The following PLXDC1 variants were observed in gnomAD, a reference collection of about 807,000 sequenced individuals.
The protein encoded by PLXDC1 is plexin domain containing 1.
A neutral mutation model predicts 61.3 loss-of-function variants in PLXDC1; 39 were observed. The ratio of observed to expected loss-of-function variants is 0.64; its 90% CI spans 0.49 to 0.83. The LOEUF (loss-of-function observed/expected upper bound fraction) is 0.83. Ranked by LOEUF, PLXDC1 falls within the 40% of genes least tolerant of loss-of-function variation. PLXDC1 has a pLI of 0.00. For synonymous variants in PLXDC1, 212 were observed against 254.5 expected, an observed-to-expected ratio of 0.83 and a Z score of 1.59; for missense variants, 596 against 666.5, an observed-to-expected ratio of 0.89 and a Z score of 1.17.
chr17:39,128,023 C>A (rs1330424991), intron 2 of PLXDC1, among the ~76,000 whole-genome samples: 2 of 139,190 alleles, frequency 1.4e-5, no homozygotes, highest in East Asian at 4.3e-4. Context: ...AATGAAGTAC[C>A]ACTTCATACC....
intron 11 of PLXDC1, among the ~76,000 whole-genome samples, chr17:39,076,728 T>C (rs1170177582): frequency 2.0e-5 from 3 of 151,974 alleles, no homozygotes; most frequent in African/African-American, 7.2e-5. Context: ...GGTTTTGTTT[T>C]GTTTTGTGTT....
chr17:39,120,489 C>T (rs1911126820), intron 2 of PLXDC1, among the ~76,000 whole-genome samples: 1 of 152,130 alleles, frequency 6.6e-6, no homozygotes, highest in African/African-American at 2.4e-5. Flanking sequence ...GTGACTCTGG[C>T]AGATCATACG....
chr17:39,105,228 G>T (rs2143649876), intron 7 of PLXDC1, among the ~76,000 whole-genome samples: 2 of 152,308 alleles, frequency 1.3e-5, no homozygotes, highest in African/African-American at 4.8e-5. Flanking sequence ...GGCAGTGCAT[G>T]GGATGCCTGC....
intron 2 of PLXDC1, among the ~76,000 whole-genome samples, chr17:39,110,092 CT>C (rs1282130041): frequency 1.3e-5 from 2 of 152,080 alleles, no homozygotes; most frequent in African/African-American, 2.4e-5. Flanking sequence ...CGCCACTGCA[CT>C]CCAGCCTGGG....
At chr17:39,134,869 G>A (rs899775881) in intron 2 of PLXDC1, among the ~76,000 whole-genome samples, 2 of 151,848 alleles carry the variant, frequency 1.3e-5, no homozygotes, top group Non-Finnish European at 2.9e-5. Context: ...GAAATAGCCC[G>A]CAGGACCCCC....
At chr17:39,087,492 G>A in intron 8 of PLXDC1, 115 bp downstream of exon 8, 1 of 742,308 alleles carries the variant, frequency 1.3e-6, no homozygotes, top group South Asian at 1.6e-5. Context: ...GAGATGGAGG[G>A]CCCCGAAAAG....
chr17:39,152,275 A>AC (rs2045379158), upstream of PLXDC1, among the ~76,000 whole-genome samples: 1 of 148,912 alleles, frequency 6.7e-6, no homozygotes, highest in Non-Finnish European at 1.5e-5. Context: ...AACAGTCTGG[A>AC]CCCCTCCCCA....
Position 39,105,854 on chromosome 17 carries a change from C to T in PLXDC1, c.811G>A (p.Glu271Lys). 2 of 1,608,430 alleles carry T rather than the reference C, an allele frequency of 1.2e-6. No homozygotes were observed. The highest frequency in any genetic ancestry group is 1.7e-6 in the Non-Finnish European group (2 of 1,175,162). The change falls in exon 7 of 14, where the codon GAA (glutamate) becomes AAA (lysine). Residue 271 changes from glutamate (E) to lysine (K), a missense_variant and splice_region_variant. Glu to Lys is a moderately conservative substitution (Grantham distance 56, BLOSUM62 1). Coordinates refer to ENST00000315392, the MANE Select transcript of PLXDC1 (RefSeq NM_020405.5). ...MILNPSPDVP[E>K]SRRRSIFEYH... ...CTCTGCGGGGTCCCTGAAGACTCAC[C>T]TGGCACATCCGGGGATGGATTGAGA...
intron 6 of PLXDC1, among the ~76,000 whole-genome samples, chr17:39,106,655 T>TC (rs902493057): frequency 6.2e-5 from 9 of 146,168 alleles, no homozygotes; most frequent in African/African-American, 2.3e-4. Context: ...TTTCTTTCTT[T>TC]TTTTTTTTTT....
rs1908946179 is a variant in PLXDC1, at chr17:39,067,664, C to T, written c.*176G>A. 4 of 567,272 alleles carry T rather than the reference C, an allele frequency of 7.1e-6. No individual in the cohort carries two copies. Among genetic ancestry groups the T allele is most frequent in the South Asian group, 5.9e-5 (2 of 33,986 alleles). The allele number at this position is 567,272 out of a possible 1,614,324, so 35.1% of individuals were successfully genotyped here. ...AAAATCCATGTGGTTGTTTTTTGGC[C>T]CCCTCTTCAATATTCGGGGTGTGCT... On this transcript the variant is annotated 3_prime_UTR_variant, in exon 14 of 14. Transcript: ENST00000315392.
intron 2 of PLXDC1, chr17:39,131,965 TGCCCTGACACAGGGTCCCTC>T (rs1285420541): frequency 1.3e-5 from 2 of 152,698 alleles, no homozygotes; most frequent in African/African-American, 4.8e-5. Flanking sequence ...ATGGGGTCCC[TGCCCTGACACAGGGTCCCTC>T]GCATTCCTGG....
chr17:39,106,861 A>G (rs572782294), intron 6 of PLXDC1, among the ~76,000 whole-genome samples: 1 of 151,968 alleles, frequency 6.6e-6, no homozygotes, highest in East Asian at 1.9e-4. Flanking sequence ...CATGTTGGCC[A>G]GGCTGGTCTC....
At chr17:39,134,288 AG>A (rs1298461780) in intron 2 of PLXDC1, among the ~76,000 whole-genome samples, 1 of 151,614 alleles carries the variant, frequency 6.6e-6, no homozygotes, top group African/African-American at 2.4e-5. Flanking sequence ...AAAAAAATAA[AG>A]TCTATTCCCT....
chr17:39,108,718 G>A, intron 4 of PLXDC1, 186 bp downstream of exon 4: 1 of 609,922 alleles, frequency 1.6e-6, no homozygotes, highest in Non-Finnish European at 3.0e-6. Context: ...GAGCAGGTCA[G>A]CTAATGCAAG....
chr17:39,080,555 GGACT>G (rs1243024321), intron 9 of PLXDC1: 1 of 152,218 alleles, frequency 6.6e-6, no homozygotes, highest in Admixed American at 6.5e-5. Context: ...AACCATGCAG[GGACT>G]GACTGCAGCT....
chr17:39,109,688 G>C (rs988235848), intron 2 of PLXDC1, among the ~76,000 whole-genome samples: 1 of 152,176 alleles, frequency 6.6e-6, no homozygotes, highest in African/African-American at 2.4e-5. Flanking sequence ...GAGGCCGGCA[G>C]CCCCTGCATC....
chr17:39,130,841 C>T (rs907202042), intron 2 of PLXDC1, among the ~76,000 whole-genome samples: 5 of 152,134 alleles, frequency 3.3e-5, no homozygotes, highest in Non-Finnish European at 5.9e-5. Flanking sequence ...GGATTACAGG[C>T]ATGAGCCACC....
chr17:39,131,304 C>T (rs1162001434), intron 2 of PLXDC1, among the ~76,000 whole-genome samples: 1 of 152,116 alleles, frequency 6.6e-6, no homozygotes, highest in Non-Finnish European at 1.5e-5. Flanking sequence ...CACTCCACCT[C>T]CTGCCTCCCT....
chr17:39,071,830 C>T (rs547464132), intron 12 of PLXDC1, among the ~76,000 whole-genome samples: 11 of 152,302 alleles, frequency 7.2e-5, no homozygotes, highest in African/African-American at 2.6e-4. Context: ...CAATCTCCAG[C>T]CCCCGGAGCT....
Sources: allele counts gnomAD v4.1 joint callset (sites outside exome capture counted in the v4.1 genomes callset), GRCh38; gene constraint gnomAD v4.1.1; transcripts MANE v1.5; gene names NCBI Gene and HGNC (gene_info 2026-07-23, HGNC 2026-07-21).